The following MAGI2 variants were observed in gnomAD, a reference collection of about 807,000 sequenced individuals.
MAGI2 encodes membrane-associated guanylate kinase, WW and PDZ domain-containing protein 2.
Under a neutral mutation model 133.3 loss-of-function variants are expected in MAGI2, and 35 were observed. The observed-to-expected ratio is 0.26, with a 90% CI of 0.20 to 0.35. MAGI2 has a LOEUF of 0.35. Among genes scored for constraint, MAGI2 ranks in the 10% least tolerant of loss-of-function variants. MAGI2 has a pLI of 1.00. For missense variants in MAGI2, 1,636 were observed against 1,863.4 expected (o/e 0.88, Z 2.25); for synonymous variants, 729 against 710.6 (o/e 1.03, Z -0.41).
At chr7:78,516,896 T>C (rs1796088560) in intron 4 of MAGI2, among the ~76,000 whole-genome samples, 1 of 152,154 alleles carries the variant, frequency 6.6e-6, no homozygotes, top group Admixed American at 6.5e-5. Context: ...CTGAGGAATA[T>C]GGGTGAAAAG....
chr7:78,190,247 G>A (rs1828075922), intron 12 of MAGI2, among the ~76,000 whole-genome samples: 1 of 152,088 alleles, frequency 6.6e-6, no homozygotes, highest in African/African-American at 2.4e-5. Context: ...CTGGGAGTTT[G>A]GCTACTAACA....
chr7:78,660,616 A>C (rs1477831276), intron 2 of MAGI2, among the ~76,000 whole-genome samples: 2 of 152,212 alleles, frequency 1.3e-5, no homozygotes, highest in African/African-American at 4.8e-5. Flanking sequence ...CATGCTATAA[A>C]TGATATGACA....
At chr7:79,011,924 C>CCTTTCTTTCTTTCTCTCTTTCTTTCTTT (rs1808175482) in intron 1 of MAGI2, among the ~76,000 whole-genome samples, 1 of 121,206 alleles carries the variant, frequency 8.3e-6, no homozygotes, top group African/African-American at 3.3e-5. Flanking sequence ...TTCCTTCCTT[C>CCTTTCTTTCTTTCTCTCTTTCTTTCTTT]CTTTCTTTCT....
At chr7:79,442,602 C>T (rs1848566057) in intron 1 of MAGI2, among the ~76,000 whole-genome samples, 1 of 152,020 alleles carries the variant, frequency 6.6e-6, no homozygotes, top group Non-Finnish European at 1.5e-5. Context: ...GGAGATCCAA[C>T]TATAGATACT....
At chr7:78,481,596 A>G (rs183689799) in intron 6 of MAGI2, among the ~76,000 whole-genome samples, 1 of 152,028 alleles carries the variant, frequency 6.6e-6, no homozygotes, top group Admixed American at 6.6e-5. Context: ...GTGAAGGGAT[A>G]AACCCATAGA....
chr7:79,056,097 A>G (rs1813123184), intron 1 of MAGI2, among the ~76,000 whole-genome samples: 1 of 152,200 alleles, frequency 6.6e-6, no homozygotes, highest in Admixed American at 6.5e-5. Context: ...TAAATGAGAG[A>G]ACCCTTGCAC....
intron 1 of MAGI2, among the ~76,000 whole-genome samples, chr7:79,364,145 T>A (rs1443157133): frequency 1.3e-5 from 2 of 151,978 alleles, no homozygotes; most frequent in Non-Finnish European, 2.9e-5. Context: ...TGTAGGAATG[T>A]AAATTAGACA....
intron 2 of MAGI2, among the ~76,000 whole-genome samples, chr7:78,740,984 A>T (rs1822362866): frequency 6.6e-6 from 1 of 152,258 alleles, no homozygotes; most frequent in Non-Finnish European, 1.5e-5. Flanking sequence ...TAGACTACTT[A>T]ATCAACATCG....
intron 1 of MAGI2, among the ~76,000 whole-genome samples, chr7:79,366,723 T>A (rs1035449213): frequency 6.6e-6 from 1 of 152,186 alleles, no homozygotes. Context: ...TATTAATTTA[T>A]AATTATCTCA....
chr7:79,237,370 G>A (rs1165227752), intron 1 of MAGI2, among the ~76,000 whole-genome samples: 1 of 152,148 alleles, frequency 6.6e-6, no homozygotes, highest in African/African-American at 2.4e-5. Flanking sequence ...GCAGGTGCCT[G>A]TAGTCCTAGC....
chr7:78,419,569 T>C (rs905156493), intron 6 of MAGI2, among the ~76,000 whole-genome samples: 1 of 149,826 alleles, frequency 6.7e-6, no homozygotes, highest in African/African-American at 2.5e-5. Flanking sequence ...AAGATATCAT[T>C]CCCTGAGACT....
intron 21 of MAGI2, among the ~76,000 whole-genome samples, chr7:78,068,849 G>A (rs932196460): frequency 6.6e-6 from 1 of 152,108 alleles, no homozygotes; most frequent in African/African-American, 2.4e-5. Flanking sequence ...GAGCAGCCGG[G>A]CTTTGTTGTT....
intron 2 of MAGI2, among the ~76,000 whole-genome samples, chr7:78,657,884 G>A (rs1012358659): frequency 1.4e-4 from 22 of 152,072 alleles, no homozygotes; most frequent in South Asian, 4.2e-4. Context: ...CATGGTGGAG[G>A]GCTATGCATA....
intron 9 of MAGI2, among the ~76,000 whole-genome samples, chr7:78,321,084 GGA>G (rs2151121134): frequency 6.6e-6 from 1 of 152,192 alleles, no homozygotes; most frequent in Non-Finnish European, 1.5e-5. Context: ...ACCTCTTCAA[GGA>G]GAACTACAAA....
At chr7:78,676,489 C>G (rs1391568144) in intron 2 of MAGI2, among the ~76,000 whole-genome samples, 3 of 152,090 alleles carry the variant, frequency 2.0e-5, no homozygotes, top group Admixed American at 6.6e-5. Context: ...AGCCAACTTA[C>G]AAAATTAATT....
At chr7:78,045,788 C>A (rs1244421514) in intron 21 of MAGI2, among the ~76,000 whole-genome samples, 1 of 152,142 alleles carries the variant, frequency 6.6e-6, no homozygotes, top group Non-Finnish European at 1.5e-5. Context: ...TGCTTTATAG[C>A]CTTATCCCAC....
chr7:78,905,309 T>G lies in MAGI2; in HGVS notation c.418+101781A>C, dbSNP rs146341699. On this transcript the variant is annotated intron_variant, in intron 2 of 21. Transcript: ENST00000354212. ...AACATTTGGAAGCCATCTAGAATTC[T>G]CTCTCTGTCTCACTCCTCTCACCTT... 2.7e-3 allele frequency among the ~76,000 whole-genome samples: 413 copies of G among 152,304 alleles called. 2 individuals carry two copies. The Middle Eastern group carries it at 0.037, about 14-fold the overall frequency.
intron 2 of MAGI2, among the ~76,000 whole-genome samples, chr7:78,849,878 C>T (rs1180665583): frequency 1.3e-5 from 2 of 151,966 alleles, no homozygotes; most frequent in East Asian, 1.9e-4. Flanking sequence ...ATTTTTTTCT[C>T]ATGGAAATAC....
At chr7:79,371,716 C>G (rs848914) in intron 1 of MAGI2, among the ~76,000 whole-genome samples, 75,980 of 151,912 alleles carry the variant, frequency 0.5, 20,437 homozygotes, top group African/African-American at 0.7. Context: ...ACATTTCTCA[C>G]AATATAGCCT....
Sources: gnomAD v4.1 joint callset for allele counts (sites outside exome capture counted in the v4.1 genomes callset) on GRCh38, gnomAD v4.1.1 for gene constraint, MANE v1.5 for transcripts, NCBI Gene and HGNC (gene_info 2026-07-23, HGNC 2026-07-21) for gene names.